SETDB2: variants seen among roughly 807,000 people sequenced by gnomAD.
SETDB2 encodes histone-lysine N-methyltransferase SETDB2.
In SETDB2, 56 loss-of-function variants were observed where a neutral mutation model predicts 82.5. The ratio of observed to expected loss-of-function variants is 0.68; its 90% CI spans 0.55 to 0.85. The LOEUF is 0.85. Among genes scored for constraint, SETDB2 ranks in the 40% least tolerant of loss-of-function variants. The pLI, the probability that SETDB2 is intolerant of heterozygous loss-of-function variation, is 0.00. For missense variants in SETDB2, 677 were observed against 816.4 expected (o/e 0.83, Z 2.08); for synonymous variants, 272 against 284.9 (o/e 0.95, Z 0.46).
Position 49,488,330 on chromosome 13 carries a change from T to C in SETDB2, c.1617T>C (p.Asn539=), listed in dbSNP as rs1263575461. The change falls in exon 12 of 14, where the codon AAT becomes AAC. Residue 539 remains asparagine, a synonymous_variant. Coordinates refer to ENST00000611815, the MANE Select transcript of SETDB2 (RefSeq NM_001160308.3). ...ACCATGTTGATGAGTTTGAAGATAA[T>C]CTGCTGATTGAATCAGATGTGATAG... is the stretch of plus-strand genomic sequence containing the variant. The part of the protein sequence containing the change: ...SSNHVDEFED[N]LLIESDVIDI... 1.5e-5 allele frequency: 24 copies of C among 1,600,426 alleles called. No individual in the cohort carries two copies. The highest frequency in any genetic ancestry group is 2.0e-5 in the Non-Finnish European group (23 of 1,176,742).
chr13:49,484,420 C>T (rs1958551087), intron 10 of SETDB2, among the ~76,000 whole-genome samples: 1 of 152,104 alleles, frequency 6.6e-6, no homozygotes, highest in Non-Finnish European at 1.5e-5. Context: ...CAGGTGCCTG[C>T]CACCATGCCC....
At chr13:49,445,498 T>C (rs554343866) in intron 1 of SETDB2, 9 of 152,238 alleles carry the variant, frequency 5.9e-5, no homozygotes, top group Admixed American at 2.6e-4. Context: ...CAGTTGTCTC[T>C]GGATGATGGG....
chr13:49,488,892 C>A (rs1958646453), intron 12 of SETDB2: 1 of 266,086 alleles, frequency 3.8e-6, no homozygotes, highest in East Asian at 7.3e-5. Flanking sequence ...CAGTGCCTAG[C>A]ACATAGTAAA....
At chr13:49,453,835 T>G (rs1388655591) in intron 2 of SETDB2, among the ~76,000 whole-genome samples, 1 of 152,014 alleles carries the variant, frequency 6.6e-6, no homozygotes, top group Non-Finnish European at 1.5e-5. Flanking sequence ...GGAGTGTCCT[T>G]GTTTATAGGC....
intron 2 of SETDB2, among the ~76,000 whole-genome samples, chr13:49,453,870 GTA>G (rs71188359): frequency 6.6e-6 from 1 of 150,500 alleles, no homozygotes; most frequent in African/African-American, 2.4e-5. Context: ...GAGCAATGAA[GTA>G]TATATATATA....
At chr13:49,457,705 G>A (rs1957917110) in intron 2 of SETDB2, among the ~76,000 whole-genome samples, 2 of 151,858 alleles carry the variant, frequency 1.3e-5, no homozygotes, top group Admixed American at 1.3e-4. Context: ...CATGAGGTGT[G>A]GTGGCACCAC....
intron 7 of SETDB2, 92 bp from the exon 8 acceptor site, chr13:49,480,855 C>A: frequency 7.4e-7 from 1 of 1,355,368 alleles, no homozygotes; most frequent in Non-Finnish European, 1.0e-6. Flanking sequence ...CACATTTAGC[C>A]TGCTTCCCTC....
intron 4 of SETDB2, among the ~76,000 whole-genome samples, chr13:49,462,890 G>C (rs1436820084): frequency 1.3e-5 from 2 of 152,166 alleles, no homozygotes; most frequent in Non-Finnish European, 2.9e-5. Context: ...GTATCCTTCA[G>C]TAACACTCGG....
chr13:49,477,037 C>T lies in SETDB2; in HGVS notation c.867C>T (p.Asp289=), dbSNP rs1275295752. Residue 289 remains aspartate, a splice_region_variant and synonymous_variant, in exon 6 of 14, where the codon GAC becomes GAT. Coordinates refer to ENST00000611815, the MANE Select transcript of SETDB2 (RefSeq NM_001160308.3). The part of the protein sequence containing the change: ...DSCDCSEGCI[D]ITKCACLQLT... ...GTGACTGCTCTGAGGGCTGCATAGA[C>T]ATGTGAGTAGAAAAACATGGCGTTT... is the stretch of plus-strand genomic sequence containing the variant. The T allele has an allele frequency of 1.9e-6, 3 of 1,566,250 alleles. No individual in the cohort carries two copies. Among genetic ancestry groups the T allele is most frequent in the Non-Finnish European group, 2.6e-6 (3 of 1,164,542 alleles).
intron 2 of SETDB2, among the ~76,000 whole-genome samples, chr13:49,452,408 T>C (rs952341886): frequency 6.6e-6 from 1 of 152,136 alleles, no homozygotes; most frequent in African/African-American, 2.4e-5. Context: ...CTGGCCAAAA[T>C]AGGTGAGCCA....
intron 5 of SETDB2, among the ~76,000 whole-genome samples, chr13:49,471,928 ATATATATT>A: frequency 1.5e-5 from 1 of 68,276 alleles, no homozygotes; most frequent in African/African-American, 6.2e-5. Context: ...ATATATATAT[ATATATATT>A]TTTTTTTTTT....
At chr13:49,470,176 C>T (rs1958198690) in intron 5 of SETDB2, among the ~76,000 whole-genome samples, 6 of 152,134 alleles carry the variant, frequency 3.9e-5, no homozygotes, top group Admixed American at 3.3e-4. Context: ...CTCTTTAGGA[C>T]TGTTTATGAT....
At chr13:49,485,867 C>T (rs1442590294) in intron 11 of SETDB2, 144 bp downstream of exon 11, 1 of 835,726 alleles carries the variant, frequency 1.2e-6, no homozygotes, top group Admixed American at 1.8e-5. Flanking sequence ...CATAAGAGAT[C>T]AGCAAAATAT....
rs1958772046 is a variant in SETDB2 at position 49,494,668 on chromosome 13, AG to A, written c.*2822del. Reference sequence around the variant, plus strand: ...AAAAAAAATTTAAAAATTGGCTGCTAGGGTCTGTCTGCTCACTTCCCTGTTT... The same window carrying A: ...AAAAAAAATTTAAAAATTGGCTGCTAGGTCTGTCTGCTCACTTCCCTGTTT... On this transcript the variant is annotated 3_prime_UTR_variant, in exon 14 of 14. Transcript: ENST00000611815. 4 of 284 alleles carry A rather than the reference AG, an allele frequency of 0.014. No individual in the cohort carries two copies. Among genetic ancestry groups the A allele is most frequent in the African/African-American group, 0.025 (3 of 118 alleles). The allele number at this position is 284 out of a possible 1,614,324, so 0.0% of individuals were successfully genotyped here.
chr13:49,445,936 C>CA lies in SETDB2; in HGVS notation c.-342+1095dup, dbSNP rs34496594. 530 of 130,600 alleles carry CA rather than the reference C, an allele frequency of 4.1e-3. 3 individuals are homozygous for CA. The highest frequency in any genetic ancestry group is 0.015 in the South Asian group (67 of 4,460). The allele number at this position is 130,600 out of a possible 1,614,324, so 8.1% of individuals were successfully genotyped here. On this transcript the variant is annotated intron_variant, in intron 1 of 13. Coordinates refer to ENST00000611815, the MANE Select transcript of SETDB2 (RefSeq NM_001160308.3). ...CTGGTGACAGAGCGAGACTCCGTCT[C>CA]AAAAAAAAAAAAAAAATCTATGGCC...
chr13:49,474,379 T>G (rs868003927), intron 5 of SETDB2, among the ~76,000 whole-genome samples: 17 of 152,234 alleles, frequency 1.1e-4, no homozygotes, highest in African/African-American at 3.6e-4. Context: ...ACAGGCACTC[T>G]CATTTATTGC....
chr13:49,446,100 G>A (rs1422090950), intron 1 of SETDB2: 2 of 286,014 alleles, frequency 7.0e-6, no homozygotes, highest in Non-Finnish European at 1.4e-5. Flanking sequence ...TTAGGTGGAA[G>A]TATAAATTGG....
At chr13:49,468,008 T>TCTTCTTTATAAATCA in intron 5 of SETDB2, 48 bp downstream of exon 5, 1 of 1,360,310 alleles carries the variant, frequency 7.4e-7, no homozygotes, top group Non-Finnish European at 1.0e-6. Context: ...CCTACAGATT[T>TCTTCTTTATAAATCA]CTTCTTTATA....
chr13:49,460,614 C>T (rs1957973537), intron 3 of SETDB2, among the ~76,000 whole-genome samples: 1 of 151,800 alleles, frequency 6.6e-6, no homozygotes, highest in South Asian at 2.1e-4. Context: ...TTGTGTTCTA[C>T]ATAGGCAGTT....
Sources: gnomAD v4.1 joint callset for allele counts (sites outside exome capture counted in the v4.1 genomes callset) on GRCh38, gnomAD v4.1.1 for gene constraint, MANE v1.5 for transcripts, NCBI Gene and HGNC (gene_info 2026-07-23, HGNC 2026-07-21) for gene names.